The following DNAH2 variants were observed in gnomAD, a reference collection of about 807,000 sequenced individuals.
The protein encoded by DNAH2 is axonemal beta dynein heavy chain 2.
Under a neutral mutation model 523.5 loss-of-function variants are expected in DNAH2, and 323 were observed. The observed-to-expected ratio is 0.62, with a 90% confidence interval of 0.56 to 0.68. The LOEUF is 0.68. Ranked by LOEUF, DNAH2 falls within the 30% of genes least tolerant of loss-of-function variation. DNAH2 has a pLI of 0.00. For missense variants in DNAH2, 4,907 were observed against 5,701.5 expected (o/e 0.86, Z 4.49); for synonymous variants, 2,093 against 2,177.4 (o/e 0.96, Z 1.08).
chr17:7,791,569 G>T (rs1204160808), intron 44 of DNAH2, among the ~76,000 whole-genome samples: 1 of 152,082 alleles, frequency 6.6e-6, no homozygotes, highest in Non-Finnish European at 1.5e-5. Flanking sequence ...GTCATCTCCA[G>T]TGTTTTGCAA....
chr17:7,812,796 A>T (rs1597739754), intron 63 of DNAH2, among the ~76,000 whole-genome samples: 1 of 106,648 alleles, frequency 9.4e-6, no homozygotes, highest in African/African-American at 3.0e-5. Flanking sequence ...AAAAAAAAAA[A>T]GCTGGGCGTG....
intron 1 of DNAH2, among the ~76,000 whole-genome samples, 178 bp downstream of exon 1, chr17:7,718,977 T>G (rs1157975940): frequency 2.6e-5 from 4 of 152,142 alleles, no homozygotes; most frequent in Non-Finnish European, 4.4e-5. Context: ...TGATCCTCTC[T>G]CACTCACTCA....
At position 7,833,658 on chromosome 17, in the gene DNAH2, G is replaced by A. The variant is rs1189806743; in HGVS notation, c.*125G>A. ...GACCTTGGCCGAATTTGTGTGATGT[G>A]GCCCTGGAGATACCTAGTTGTGTTA... On this transcript the variant is annotated 3_prime_UTR_variant, in exon 86 of 86. Coordinates refer to ENST00000572933, the MANE Select transcript of DNAH2 (RefSeq NM_020877.5). The A allele has an allele frequency of 7.5e-7, 1 of 1,325,292 alleles. No homozygotes were observed. The highest frequency in any genetic ancestry group is 1.4e-5 in the African/African-American group (1 of 69,224). 82.1% of individuals were successfully genotyped at this position (1,325,292 alleles called of 1,614,324 possible). A position where few individuals can be genotyped will look rare whatever the true frequency, so the allele number is the denominator to read the frequency against.
rs777974520 is a variant in DNAH2 at position 7,821,239 on chromosome 17, C to T, written c.11016-4C>T. 6 of 1,612,274 alleles carry T rather than the reference C, an allele frequency of 3.7e-6. No homozygotes were observed. The highest frequency in any genetic ancestry group is 1.1e-5 in the South Asian group (1 of 90,804). ...CCTCCCTCTTCCCTGTCCCTTTCTCCCAGGTACACCTGCCGTACCCTTTTC... is the reference window on the plus strand; with the variant it reads ...CCTCCCTCTTCCCTGTCCCTTTCTCTCAGGTACACCTGCCGTACCCTTTTC... On this transcript the variant is annotated splice_region_variant and splice_polypyrimidine_tract_variant and intron_variant, in intron 72 of 85. Coordinates refer to ENST00000572933, the MANE Select transcript of DNAH2 (RefSeq NM_020877.5). This position sits in a 1 kb window ranked among gnomAD's most constrained non-coding sequence, Gnocchi z 5.0.
At position 7,734,700 on chromosome 17, in the gene DNAH2, C is replaced by T; in HGVS notation, c.970C>T (p.Gln324Ter). Residue 324 changes from glutamine (Q) to a stop codon, truncating the protein, a stop_gained, in exon 7 of 86, where the codon CAG (glutamine) becomes TAG (stop). Transcript: ENST00000572933. LOFTEE classifies it high-confidence loss of function. Reference protein sequence around the residue: ...YLAPFMKLAQQIQDGSRQAQS... With the variant: ...YLAPFMKLAQ ...GGCGCCCTTTATGAAACTGGCACAG[C>T]AGATCCAGGTTTGTGAGCGAATCAA... 6.2e-7 allele frequency: 1 copy of T among 1,612,354 alleles called. No homozygotes were observed. Among genetic ancestry groups the T allele is most frequent in the Non-Finnish European group, 8.5e-7 (1 of 1,179,762 alleles).
Position 7,792,690 on chromosome 17 carries a change from C to T in DNAH2, c.7179C>T (p.Val2393=), listed in dbSNP as rs1475607669. The stretch of plus-strand genomic sequence containing the variant: ...TCTATAAGATCATGGTGCCCACCGT[C>T]GACACTGTTCGCTACAACTACCTGG... ...APFYKIMVPT[V]DTVRYNYLVS... Residue 2393 remains valine (V), a synonymous_variant, in exon 47 of 86, where the codon GTC becomes GTT. Transcript: ENST00000572933. The T allele has an allele frequency of 7.4e-6, 12 of 1,614,140 alleles. No homozygotes were observed. Among genetic ancestry groups the T allele is most frequent in the East Asian group, 2.2e-5 (1 of 44,872 alleles).
At chr17:7,765,773 CTTTTCTT>C (rs1173157855) in intron 21 of DNAH2, among the ~76,000 whole-genome samples, 2 of 151,720 alleles carry the variant, frequency 1.3e-5, no homozygotes, top group Non-Finnish European at 2.9e-5. Flanking sequence ...AGCATTTCTA[CTTTTCTT>C]TTTTCTTTTT....
At chr17:7,810,498 C>T (rs1248983890) in intron 63 of DNAH2, among the ~76,000 whole-genome samples, 1 of 152,218 alleles carries the variant, frequency 6.6e-6, no homozygotes, top group Admixed American at 6.5e-5. Context: ...AAGTGATTCT[C>T]CTGCCTCAGC....
rs745843816 is a variant in DNAH2, at chr17:7,786,522, G to A, written c.6349-48G>A. 1.3e-6 allele frequency: 2 copies of A among 1,556,620 alleles called. No homozygotes were observed. Among genetic ancestry groups the A allele is most frequent in the Admixed American group, 1.7e-5 (1 of 59,454 alleles). ...CTAAGAGGGGTCTGGAAATAAAGAG[G>A]GGTTTTTGTCCATCAGCAGCTAAAA... On this transcript the variant is annotated intron_variant, in intron 40 of 85. Transcript: ENST00000572933. This position sits in a 1 kb window ranked among gnomAD's most constrained non-coding sequence, Gnocchi z 7.5.
chr17:7,777,306 C>A, intron 32 of DNAH2, 140 bp from the exon 33 acceptor site: 1 of 905,046 alleles, frequency 1.1e-6, no homozygotes, highest in Non-Finnish European at 1.7e-6. Flanking sequence ...GGGGGCAGTC[C>A]GTGGTAGAGC....
intron 13 of DNAH2, 31 bp downstream of exon 13, chr17:7,757,268 A>C: frequency 6.2e-7 from 1 of 1,605,788 alleles, no homozygotes; most frequent in Non-Finnish European, 8.5e-7. Flanking sequence ...GCAGCCCTTC[A>C]AGATGCTATT....
At chr17:7,733,468 T>C (rs956930160) in intron 5 of DNAH2, among the ~76,000 whole-genome samples, 153 bp downstream of exon 5, 1 of 149,898 alleles carries the variant, frequency 6.7e-6, no homozygotes, top group African/African-American at 2.5e-5. Context: ...AGATCCGCCT[T>C]CTTCTTCTTT....
In DNAH2 at chr17:7,824,467, C is replaced by T; in HGVS notation, c.11663-70C>T. On this transcript the variant is annotated intron_variant, in intron 76 of 85. Coordinates refer to ENST00000572933, the MANE Select transcript of DNAH2 (RefSeq NM_020877.5). ...CCCCCCCAGCACCCCCACCCCAACA[C>T]CAGGTGGAAAGCATGAGGACAGGCA... The T allele has an allele frequency of 2.8e-6, 4 of 1,425,282 alleles. No individual in the cohort carries two copies. In the East Asian group the frequency reaches 1.0e-4, roughly 36 times the overall value. The allele number at this position is 1,425,282 out of a possible 1,614,324, so 88.3% of individuals were successfully genotyped here.
intron 12 of DNAH2, among the ~76,000 whole-genome samples, chr17:7,749,488 A>C (rs942471097): frequency 1.3e-5 from 2 of 151,982 alleles, no homozygotes; most frequent in Non-Finnish European, 2.9e-5. Context: ...TTTGAAGGAC[A>C]TGATAATACG....
intron 50 of DNAH2, 66 bp downstream of exon 50, chr17:7,796,718 A>C (rs1035907939): frequency 6.5e-7 from 1 of 1,534,704 alleles, no homozygotes; most frequent in Non-Finnish European, 8.8e-7. Context: ...TCTCTTCTCA[A>C]ACTAAGCCTT....
rs2076758887 is a variant in DNAH2 at position 7,787,053 on chromosome 17, C to T, written c.6603+20C>T. On this transcript the variant is annotated intron_variant, in intron 42 of 85. Coordinates refer to ENST00000572933, the MANE Select transcript of DNAH2 (RefSeq NM_020877.5). ...GAGCAGGTCAGGGACGCGGCTGACT[C>T]CTGGAGGCCTGCAGAGGCAGGCACC... 6.2e-7 allele frequency: 1 copy of T among 1,612,756 alleles called. No homozygotes were observed.
chr17:7,804,438 A>T lies in DNAH2; in HGVS notation c.9155A>T (p.Gln3052Leu), dbSNP rs1456870723. The T allele has an allele frequency of 6.2e-7, 1 of 1,613,876 alleles. No homozygotes were observed. Among genetic ancestry groups the T allele is most frequent in the Non-Finnish European group, 8.5e-7 (1 of 1,180,032 alleles). Residue 3052 changes from glutamine (Q) to leucine (L), a missense_variant, in exon 59 of 86, where the codon CAG becomes CTG. Around this residue, in one of 3 missense-constraint regions of DNAH2, gnomAD observed 1,851 missense variants for 2,139.4 expected, o/e 0.87. Transcript: ENST00000572933. ...CEEYLVIIVQ[Q>L]KREADEQQKA... Reference sequence around the variant, plus strand: ...GAGTACCTGGTCATCATTGTGCAGCAGAAGCGGGAGGCAGATGAGCAGCAG... The same window carrying T: ...GAGTACCTGGTCATCATTGTGCAGCTGAAGCGGGAGGCAGATGAGCAGCAG...
chr17:7,764,782 CTTTTTTTTTTT>C (rs59188289), intron 20 of DNAH2, among the ~76,000 whole-genome samples: 1 of 49,506 alleles, frequency 2.0e-5, no homozygotes, highest in Non-Finnish European at 3.5e-5. Flanking sequence ...ACTGTATTTA[CTTTTTTTTTTT>C]TTTTTTTTTT....
Position 7,780,023 on chromosome 17 carries a change from TG to T in DNAH2, c.5723-132del. The T allele has an allele frequency of 1.7e-6, 2 of 1,172,946 alleles. No individual in the cohort carries two copies. The highest frequency in any genetic ancestry group is 2.4e-6 in the Non-Finnish European group (2 of 828,134). The allele number at this position is 1,172,946 out of a possible 1,614,324, so 72.7% of individuals were successfully genotyped here. A position where few individuals can be genotyped will look rare whatever the true frequency, so the allele number is the denominator to read the frequency against. On this transcript the variant is annotated intron_variant, in intron 36 of 85. Transcript: ENST00000572933. This position sits in a 1 kb window ranked among gnomAD's most constrained non-coding sequence, Gnocchi z 4.4. The stretch of plus-strand genomic sequence containing the variant: ...GCTGGGGCTGAGATGAGAAAGGATG[TG>T]GTCTTGGAGTTGGAGAGAAAGTTAG...
Sources: gnomAD v4.1 joint callset for allele counts (sites outside exome capture counted in the v4.1 genomes callset) on GRCh38, gnomAD v4.1.1 for gene constraint, gnomAD v4.1.1 regional missense constraint, Gnocchi (gnomAD v3.1) non-coding constraint, MANE v1.5 for transcripts, NCBI Gene and HGNC (gene_info 2026-07-23, HGNC 2026-07-21) for gene names.